AKNA: variants seen among roughly 807,000 people sequenced by gnomAD.
The protein encoded by AKNA is microtubule organization protein AKNA.
A neutral mutation model predicts 138.8 loss-of-function variants in AKNA; 67 were observed. That is an observed-to-expected ratio of 0.48 (90% CI 0.40 to 0.59). The LOEUF (loss-of-function observed/expected upper bound fraction) is 0.59, where lower values mean the gene tolerates loss of function less well. Among genes scored for constraint, AKNA ranks in the 20% least tolerant of loss-of-function variants. The pLI is 0.00. For missense variants in AKNA, 1,813 were observed against 1,880.4 expected, an observed-to-expected ratio of 0.96 and a Z score of 0.66; for synonymous variants, 737 against 754.4, an observed-to-expected ratio of 0.98 and a Z score of 0.38.
upstream of AKNA, among the ~76,000 whole-genome samples, chr9:114,391,853 C>CAAAAAAAA (rs61158842): frequency 1.6e-5 from 1 of 63,064 alleles, no homozygotes; most frequent in Non-Finnish European, 2.8e-5. Flanking sequence ...GACTCTGTCT[C>CAAAAAAAA]AAAAAAAAAA....
Position 114,381,155 on chromosome 9 carries a change from C to T in AKNA, c.179G>A (p.Arg60His), listed in dbSNP as rs747692283. 5.6e-6 allele frequency: 9 copies of T among 1,612,922 alleles called. No individual in the cohort carries two copies. Among genetic ancestry groups the T allele is most frequent in the Middle Eastern group, 1.6e-4 (1 of 6,084 alleles). The change falls in exon 2 of 22, where the codon CGC (arginine) becomes CAC (histidine). Residue 60 changes from arginine to histidine, a missense_variant. Coordinates refer to ENST00000374088, the MANE Select transcript of AKNA (RefSeq NM_001317950.2). ...ATSPELLEDFRLAQQHLPPLE... is the reference protein window; with the variant it reads ...ATSPELLEDFHLAQQHLPPLE... Reference sequence around the variant, plus strand: ...GGGCGGCAGGTGCTGCTGGGCCAGGCGGAAGTCCTCTAGGAGCTCGGGGCT... The same window carrying T: ...GGGCGGCAGGTGCTGCTGGGCCAGGTGGAAGTCCTCTAGGAGCTCGGGGCT...
At position 114,347,771 on chromosome 9, in the gene AKNA, G is replaced by A. The variant is rs770692868; in HGVS notation, c.3351C>T (p.Arg1117=). The part of the protein sequence containing the change: ...ASAFDRPART[R]GRPADSPATW... The stretch of plus-strand genomic sequence containing the variant: ...TGGCTGGGGAGTCTGCTGGCCGGCC[G>A]CGGGTCCGGGCGGGGCGGTCAAAGG... Residue 1117 remains arginine, a synonymous_variant, in exon 16 of 22, where the codon CGC becomes CGT. Coordinates refer to ENST00000374088, the MANE Select transcript of AKNA (RefSeq NM_001317950.2). 16 of 1,542,234 alleles carry A rather than the reference G, an allele frequency of 1.0e-5. No homozygotes were observed. The highest frequency in any genetic ancestry group is 3.4e-4 in the Middle Eastern group (2 of 5,860).
rs369108374 is a variant in AKNA, at chr9:114,337,137, G to A, written c.4237C>T (p.Arg1413Cys). ...CTTCTCATCTGCCTGGTGGTAGAGCGGACGCTCTCGGCAGCCTGCACGGCC... is the reference window on the plus strand; with the variant it reads ...CTTCTCATCTGCCTGGTGGTAGAGCAGACGCTCTCGGCAGCCTGCACGGCC... ...SRAVQAAESV[R>C]STTRQMRSSL... The change falls in exon 22 of 22, where the codon CGC (arginine) becomes TGC (cysteine). Residue 1413 changes from arginine to cysteine, a missense_variant. Coordinates refer to ENST00000374088, the MANE Select transcript of AKNA (RefSeq NM_001317950.2). 11 of 1,609,620 alleles carry A rather than the reference G, an allele frequency of 6.8e-6. No individual in the cohort carries two copies. In the Admixed American group the frequency reaches 1.3e-4, roughly 20 times the overall value.
Position 114,350,735 on chromosome 9 carries a change from T to C in AKNA, c.3221+124A>G, listed in dbSNP as rs542890631. The C allele has an allele frequency of 3.3e-4, 383 of 1,153,512 alleles. 1 individual carries two copies. In the African/African-American group the frequency reaches 5.3e-3, roughly 16 times the overall value. The allele number at this position is 1,153,512 out of a possible 1,614,324, so 71.5% of individuals were successfully genotyped here. On this transcript the variant is annotated intron_variant, in intron 15 of 21. Coordinates refer to ENST00000374088, the MANE Select transcript of AKNA (RefSeq NM_001317950.2). ...CTGGGAGGCAGGACACCTGGGTCCG[T>C]CTGCTCCTACCACCACCATCTGTGT...
intron 21 of AKNA, among the ~76,000 whole-genome samples, chr9:114,341,116 C>T (rs952816984): frequency 3.3e-5 from 5 of 152,188 alleles, no homozygotes; most frequent in Admixed American, 6.5e-5. Context: ...TCTGGACTAT[C>T]TGCTCAATTT....
chr9:114,387,845 G>A lies in AKNA; in HGVS notation c.-114+15C>T, dbSNP rs753565824. On this transcript the variant is annotated intron_variant, in intron 1 of 21. Transcript: ENST00000374088. Reference sequence around the variant, plus strand: ...AAAGCGGCCTCCCGGGCCCTCCTCCGTTCCAATCCCTTACCTCTCTCGGGC... The same window carrying A: ...AAAGCGGCCTCCCGGGCCCTCCTCCATTCCAATCCCTTACCTCTCTCGGGC... 10 of 449,478 alleles carry A rather than the reference G, an allele frequency of 2.2e-5. No homozygotes were observed. The highest frequency in any genetic ancestry group is 7.8e-5 in the South Asian group (5 of 63,906). 27.8% of individuals were successfully genotyped at this position (449,478 alleles called of 1,614,324 possible). A position where few individuals can be genotyped will look rare whatever the true frequency, so the allele number is the denominator to read the frequency against.
At chr9:114,372,797 T>TC (rs1006784449) in intron 4 of AKNA, among the ~76,000 whole-genome samples, 6 of 152,048 alleles carry the variant, frequency 3.9e-5, no homozygotes, top group African/African-American at 1.4e-4. Context: ...CTTTCCCAAC[T>TC]CCCCCGTCTC....
In AKNA at chr9:114,341,560, G is replaced by C. The variant is rs1223455478; in HGVS notation, c.4040C>G (p.Pro1347Arg). Residue 1347 changes from proline (P) to arginine (R), a missense_variant, in exon 21 of 22, where the codon CCC (proline) becomes CGC (arginine). Physicochemically the swap from Pro to Arg is moderately radical, Grantham distance 103. Transcript: ENST00000374088. Reference protein sequence around the residue: ...PPAFAYISSVPIMPYPPAAVY... With the variant: ...PPAFAYISSVRIMPYPPAAVY... Reference sequence around the variant, plus strand: ...AGCGGCAGGTGGATAAGGCATGATGGGAACCGAGGAGATGTAGGCAAAGGC... The same window carrying C: ...AGCGGCAGGTGGATAAGGCATGATGCGAACCGAGGAGATGTAGGCAAAGGC... The C allele has an allele frequency of 2.5e-6, 4 of 1,614,048 alleles. No homozygotes were observed. The highest frequency in any genetic ancestry group is 1.7e-6 in the Non-Finnish European group (2 of 1,179,966).
At chr9:114,373,486 A>G (rs1832945984) in intron 4 of AKNA, among the ~76,000 whole-genome samples, 2 of 152,196 alleles carry the variant, frequency 1.3e-5, no homozygotes, top group Non-Finnish European at 2.9e-5. Context: ...ACAGAGCCCA[A>G]GTAACGTCCT....
At chr9:114,375,460 G>A (rs1327583957) in intron 3 of AKNA, among the ~76,000 whole-genome samples, 9 of 152,178 alleles carry the variant, frequency 5.9e-5, no homozygotes, top group East Asian at 3.8e-4. Context: ...GCCCATGGAC[G>A]GGAACGAATA....
intron 4 of AKNA, among the ~76,000 whole-genome samples, chr9:114,370,774 G>A (rs990994205): frequency 2.0e-5 from 3 of 152,296 alleles, no homozygotes; most frequent in African/African-American, 4.8e-5. Context: ...AATGCTAATG[G>A]GCTTTATGAA....
chr9:114,367,267 T>C (rs1832429428), intron 6 of AKNA, among the ~76,000 whole-genome samples: 1 of 152,076 alleles, frequency 6.6e-6, no homozygotes, highest in East Asian at 1.9e-4. Flanking sequence ...GGAGCCAGCC[T>C]AGAGACACTT....
chr9:114,337,092 G>A lies in AKNA; in HGVS notation c.4282C>T (p.Arg1428Cys), dbSNP rs745371860. Reference sequence around the variant, plus strand: ...GAGCCCCGCAGGCTGTGAGCCTGGCGCAGGTCGGCTGACAGCGAGCTTCTC... The same window carrying A: ...GAGCCCCGCAGGCTGTGAGCCTGGCACAGGTCGGCTGACAGCGAGCTTCTC... ...QMRSSLSADL[R>C]QAHSLRGSCL... Residue 1428 changes from arginine to cysteine, a missense_variant, in exon 22 of 22, where the codon CGC becomes TGC. By Grantham distance (180) the Arg-to-Cys change is radical. Coordinates refer to ENST00000374088, the MANE Select transcript of AKNA (RefSeq NM_001317950.2). 8.7e-5 allele frequency: 139 copies of A among 1,591,634 alleles called. No individual in the cohort carries two copies. The highest frequency in any genetic ancestry group is 4.1e-4 in the Admixed American group (24 of 58,406).
chr9:114,349,413 A>G (rs1344340535), intron 15 of AKNA, among the ~76,000 whole-genome samples: 1 of 152,152 alleles, frequency 6.6e-6, no homozygotes, highest in Non-Finnish European at 1.5e-5. Flanking sequence ...GAAGTTAATT[A>G]GTTACCAAGT....
At chr9:114,373,698 G>GT (rs555792684) in intron 4 of AKNA, among the ~76,000 whole-genome samples, 257 of 150,670 alleles carry the variant, frequency 1.7e-3, no homozygotes, top group African/African-American at 5.8e-3. Context: ...GGGCAACAAA[G>GT]TAAGACCCCG....
At chr9:114,370,779 T>A (rs1832715990) in intron 4 of AKNA, among the ~76,000 whole-genome samples, 1 of 152,160 alleles carries the variant, frequency 6.6e-6, no homozygotes, top group Non-Finnish European at 1.5e-5. Flanking sequence ...TAATGGGCTT[T>A]ATGAATGGGG....
Position 114,387,772 on chromosome 9 carries a change from G to A in AKNA, c.-114+88C>T, listed in dbSNP as rs73656098. ...TGCAACTTCCTGGCTGGGCTGGTCC[G>A]GCTGCCTGGACTGTCCCGGAGAGTC... On this transcript the variant is annotated intron_variant, in intron 1 of 21. Coordinates refer to ENST00000374088, the MANE Select transcript of AKNA (RefSeq NM_001317950.2). 736 of 229,862 alleles carry A rather than the reference G, an allele frequency of 3.2e-3. 8 individuals are homozygous for A. The highest frequency in any genetic ancestry group is 0.015 in the African/African-American group (649 of 44,260). The allele number at this position is 229,862 out of a possible 1,614,324, so 14.2% of individuals were successfully genotyped here.
At chr9:114,373,257 G>A (rs1462113494) in intron 4 of AKNA, among the ~76,000 whole-genome samples, 1 of 152,224 alleles carries the variant, frequency 6.6e-6, no homozygotes, top group East Asian at 1.9e-4. Flanking sequence ...AAAGAGGAAG[G>A]TGCAGAATTC....
downstream of AKNA, among the ~76,000 whole-genome samples, chr9:114,333,532 GATC>G (rs2131733218): frequency 7.4e-6 from 1 of 134,904 alleles, no homozygotes; most frequent in South Asian, 2.6e-4. Context: ...AATGTGTGAT[GATC>G]AAATCGGGGT....
Sources: gnomAD v4.1 joint callset for allele counts (sites outside exome capture counted in the v4.1 genomes callset) on GRCh38, gnomAD v4.1.1 for gene constraint, MANE v1.5 for transcripts, NCBI Gene and HGNC (gene_info 2026-07-23, HGNC 2026-07-21) for gene names.